RASSF8: variants seen among roughly 807,000 people sequenced by gnomAD.
RASSF8 encodes the protein Ras association domain family member 8.
A neutral mutation model predicts 48.5 loss-of-function variants in RASSF8; 22 were observed. That is an observed-to-expected ratio of 0.45 (90% CI 0.32 to 0.65). RASSF8 has a LOEUF of 0.65. Among genes scored for constraint, RASSF8 ranks in the 30% least tolerant of loss-of-function variants. The pLI, the probability that RASSF8 is intolerant of heterozygous loss-of-function variation, is 0.03. For missense variants in RASSF8, 418 were observed against 489.2 expected (o/e 0.85, Z 1.37); for synonymous variants, 127 against 171.5 (o/e 0.74, Z 2.03).
rs1287507672 is a variant in RASSF8 at position 25,993,587 on chromosome 12, G to A, written c.-202-1450G>A. ...AGTCTATTTAGCCTCTTCTCACTTG[G>A]TTTTCAATTTGCTATCCAGTCGTCT... On this transcript the variant is annotated intron_variant, in intron 1 of 5. Transcript: ENST00000689635. Among the ~76,000 whole-genome samples the A allele has an allele frequency of 2.6e-5, 4 of 152,292 alleles. No individual in the cohort carries two copies. In the East Asian group the frequency reaches 7.7e-4, roughly 29 times the overall value.
In RASSF8 at chr12:25,965,387, A is replaced by G. The variant is rs188471274; in HGVS notation, c.-203+6239A>G. On this transcript the variant is annotated intron_variant, in intron 1 of 5. Coordinates refer to ENST00000689635, the MANE Select transcript of RASSF8 (RefSeq NM_001394098.1). Reference sequence around the variant, plus strand: ...TCTTTTTTTTTTTTTTTTTTTTGAGACAGGGTCTTGCTCTGTTGCCCAGGC... The same window carrying G: ...TCTTTTTTTTTTTTTTTTTTTTGAGGCAGGGTCTTGCTCTGTTGCCCAGGC... Among the ~76,000 whole-genome samples the G allele has an allele frequency of 1.5e-3, 194 of 125,272 alleles. 1 individual carries two copies. The highest frequency in any genetic ancestry group is 5.6e-3 in the African/African-American group (185 of 33,092). The allele number at this position is 125,272 out of a possible 152,430, so 82.2% of individuals were successfully genotyped here. A position where few individuals can be genotyped will look rare whatever the true frequency, so the allele number is the denominator to read the frequency against.
At chr12:26,074,987 T>C (rs925254180), downstream of RASSF8, among the ~76,000 whole-genome samples, 1 of 152,158 alleles carries the variant, frequency 6.6e-6, no homozygotes, top group African/African-American at 2.4e-5. Context: ...TAATTCTGAC[T>C]GGATATGTGA....
chr12:26,029,744 T>G (rs1394562028), intron 2 of RASSF8, among the ~76,000 whole-genome samples: 1 of 152,178 alleles, frequency 6.6e-6, no homozygotes, highest in Admixed American at 6.5e-5. Context: ...TGACCATTAT[T>G]ATTATAACAG....
rs1483144004 is a variant in RASSF8, at chr12:26,025,782, CTATT to C, written c.-108-29450_-108-29447del. On this transcript the variant is annotated intron_variant, in intron 2 of 5. Coordinates refer to ENST00000689635, the MANE Select transcript of RASSF8 (RefSeq NM_001394098.1). ...GAAAAATGAAATTCAGAAAATATTT[CTATT>C]TATAATATCAAAAAGAATAAAATGC... is the stretch of plus-strand genomic sequence containing the variant. Among the ~76,000 whole-genome samples, 13 of 151,942 alleles carry C rather than the reference CTATT, an allele frequency of 8.6e-5. No homozygotes were observed. The South Asian group carries it at 1.0e-3, about 12-fold the overall frequency.
chr12:25,982,264 A>G lies in RASSF8; in HGVS notation c.-202-12773A>G, dbSNP rs772261120. 2.6e-5 allele frequency among the ~76,000 whole-genome samples: 4 copies of G among 152,266 alleles called. No individual in the cohort carries two copies. The South Asian group carries it at 8.3e-4, about 32-fold the overall frequency. On this transcript the variant is annotated intron_variant, in intron 1 of 5. Coordinates refer to ENST00000689635, the MANE Select transcript of RASSF8 (RefSeq NM_001394098.1). Reference sequence around the variant, plus strand: ...TTAATAGCTTAAAACAATGACTAAAATATAGACTAAGTTGAATAGGTCAGA... The same window carrying G: ...TTAATAGCTTAAAACAATGACTAAAGTATAGACTAAGTTGAATAGGTCAGA...
chr12:26,024,292 C>T (rs929587157), intron 2 of RASSF8, among the ~76,000 whole-genome samples: 2 of 152,160 alleles, frequency 1.3e-5, no homozygotes, highest in African/African-American at 4.8e-5. Context: ...TGAGCCACCA[C>T]GCCCAGCCTG....
At position 26,067,669 on chromosome 12, in the gene RASSF8, C is replaced by A; in HGVS notation, c.1094C>A (p.Ala365Glu). The change falls in exon 5 of 6, where the codon GCG (alanine) becomes GAG (glutamate). Residue 365 changes from alanine (A) to glutamate (E), a missense_variant. Coordinates refer to ENST00000689635, the MANE Select transcript of RASSF8 (RefSeq NM_001394098.1). Reference sequence around the variant, plus strand: ...GGGACAAAAGTTACCGTTTTGCCAGCGGAGCCCATTGAAATAGAGGCCTCA... The same window carrying A: ...GGGACAAAAGTTACCGTTTTGCCAGAGGAGCCCATTGAAATAGAGGCCTCA... ...QTGTKVTVLP[A>E]EPIEIEASHA... 1 of 1,614,136 alleles carries A rather than the reference C, an allele frequency of 6.2e-7. No homozygotes were observed. The highest frequency in any genetic ancestry group is 8.5e-7 in the Non-Finnish European group (1 of 1,180,004).
chr12:26,033,315 A>G (rs1044337283), intron 2 of RASSF8, among the ~76,000 whole-genome samples: 5 of 152,146 alleles, frequency 3.3e-5, no homozygotes, highest in African/African-American at 1.2e-4. Flanking sequence ...ACTAAGTAAA[A>G]ATTGTGATCT....
At chr12:26,029,973 C>T (rs1273717355) in intron 2 of RASSF8, among the ~76,000 whole-genome samples, 2 of 152,062 alleles carry the variant, frequency 1.3e-5, no homozygotes, top group Non-Finnish European at 2.9e-5. Context: ...TGCTGGTTTG[C>T]TTATTTGTGC....
chr12:26,010,548 T>A (rs1279999572), intron 2 of RASSF8, among the ~76,000 whole-genome samples: 1 of 152,196 alleles, frequency 6.6e-6, no homozygotes, highest in African/African-American at 2.4e-5. Flanking sequence ...GGCACTGTGG[T>A]TTAAGGGAAA....
chr12:26,011,894 A>AC (rs1253851986), intron 2 of RASSF8: 4 of 152,234 alleles, frequency 2.6e-5, no homozygotes, highest in Admixed American at 2.0e-4. Flanking sequence ...AAATGGACTA[A>AC]CACAGTGACT....
intron 1 of RASSF8, among the ~76,000 whole-genome samples, chr12:25,968,337 T>A (rs7979539): frequency 3.9e-5 from 6 of 152,242 alleles, no homozygotes; most frequent in South Asian, 4.1e-4. Flanking sequence ...GTTCTTTATT[T>A]TTTATTTATT....
At chr12:25,972,110 G>T (rs1941499444) in intron 1 of RASSF8, among the ~76,000 whole-genome samples, 1 of 152,150 alleles carries the variant, frequency 6.6e-6, no homozygotes, top group Non-Finnish European at 1.5e-5. Flanking sequence ...TAAGTGTGAA[G>T]ACCAAACGAA....
rs1322055702 is a variant in RASSF8, at chr12:25,959,149, G to GT, written c.-203+2dup. 6.6e-6 allele frequency: 1 copy of GT among 151,874 alleles called. No individual in the cohort carries two copies. The highest frequency in any genetic ancestry group is 1.5e-5 in the Non-Finnish European group (1 of 67,944). The allele number at this position is 151,874 out of a possible 1,614,324, so 9.4% of individuals were successfully genotyped here. On this transcript the variant is annotated splice_donor_variant, in intron 1 of 5. Coordinates refer to ENST00000689635, the MANE Select transcript of RASSF8 (RefSeq NM_001394098.1). LOFTEE classifies it low-confidence loss of function (5UTR_SPLICE). ...GGGGGCGGCGCAGTTGCGAAACTGA[G>GT]TAAGTATTAACTTTACTTAGCGGCG...
chr12:26,007,076 G>A (rs1942409224), intron 2 of RASSF8, among the ~76,000 whole-genome samples: 1 of 152,134 alleles, frequency 6.6e-6, no homozygotes, highest in African/African-American at 2.4e-5. Context: ...AAGTGCTTTA[G>A]GGGTGGCAAG....
chr12:25,997,805 C>T (rs1432562173), intron 2 of RASSF8, among the ~76,000 whole-genome samples: 2 of 151,936 alleles, frequency 1.3e-5, no homozygotes, highest in Non-Finnish European at 2.9e-5. Context: ...TTTTTTTGGC[C>T]AAGAAAGGAG....
intron 1 of RASSF8, among the ~76,000 whole-genome samples, chr12:25,994,153 C>A (rs983568568): frequency 1.3e-5 from 2 of 152,040 alleles, no homozygotes; most frequent in African/African-American, 4.8e-5. Context: ...TCTGCCAGTT[C>A]TTTCTTCTTA....
intron 3 of RASSF8, among the ~76,000 whole-genome samples, chr12:26,057,644 A>G (rs1943636810): frequency 6.6e-6 from 1 of 152,204 alleles, no homozygotes; most frequent in Non-Finnish European, 1.5e-5. Flanking sequence ...TATATACGCA[A>G]TAATGGGATG....
At chr12:25,984,050 T>C (rs1041857319) in intron 1 of RASSF8, among the ~76,000 whole-genome samples, 4 of 152,264 alleles carry the variant, frequency 2.6e-5, no homozygotes, top group African/African-American at 9.6e-5. Context: ...TGTTTAAGGA[T>C]ACAATCATGT....
Sources: allele counts gnomAD v4.1 joint callset (sites outside exome capture counted in the v4.1 genomes callset), GRCh38; gene constraint gnomAD v4.1.1; transcripts MANE v1.5; gene names NCBI Gene and HGNC (gene_info 2026-07-23, HGNC 2026-07-21).